The following TEDC2 variants were observed in gnomAD, a reference collection of about 807,000 sequenced individuals.
TEDC2 encodes tubulin epsilon and delta complex 2.
Under a neutral mutation model 48.1 loss-of-function variants are expected in TEDC2, and 49 were observed. The ratio of observed to expected loss-of-function variants is 1.02; its 90% CI spans 0.81 to 1.29. TEDC2 has a LOEUF of 1.29. Among genes scored for constraint, TEDC2 ranks in the 50% most tolerant of loss-of-function variants. TEDC2 has a pLI of 0.00. For missense variants in TEDC2, 631 were observed against 571.4 expected (o/e 1.10, Z -1.06); for synonymous variants, 299 against 247.1 (o/e 1.21, Z -1.97).
intron 6 of TEDC2, 68 bp from the exon 7 acceptor site, chr16:2,462,347 C>G (rs552844331): frequency 1.2e-6 from 2 of 1,603,756 alleles, no homozygotes; most frequent in Admixed American, 1.7e-5. Flanking sequence ...GGGCCACTCC[C>G]CAGGCCCCGT....
chr16:2,464,455 C>A, intron 9 of TEDC2, 67 bp from the exon 10 acceptor site: 1 of 1,469,740 alleles, frequency 6.8e-7, no homozygotes, highest in South Asian at 1.3e-5. Context: ...GGCCTCGAAG[C>A]CTGTCCCAGG....
Position 2,464,150 on chromosome 16 carries a change from C to T in TEDC2, c.1076C>T (p.Ser359Phe), listed in dbSNP as rs899587432. The part of the protein sequence containing the change: ...PAWSPQLLVY[S>F]STQELQTLAA... The stretch of plus-strand genomic sequence containing the variant: ...TGGAGCCCCCAGCTGCTTGTCTACT[C>T]CAGCACCCAGGAGCTGCAGACCCTG... Residue 359 changes from serine (S) to phenylalanine (F), a missense_variant, in exon 9 of 10, where the codon TCC (serine) becomes TTC (phenylalanine). Transcript: ENST00000361837. 6.2e-7 allele frequency: 1 copy of T among 1,612,728 alleles called. No homozygotes were observed. The highest frequency in any genetic ancestry group is 8.5e-7 in the Non-Finnish European group (1 of 1,179,912).
At chr16:2,461,964 T>C (rs1381938217) in intron 5 of TEDC2, among the ~76,000 whole-genome samples, 164 bp downstream of exon 5, 1 of 152,196 alleles carries the variant, frequency 6.6e-6, no homozygotes, top group East Asian at 1.9e-4. Flanking sequence ...TTTGTCCCCT[T>C]GTCCTAGTCA....
At chr16:2,461,674 C>A (rs981386863) in intron 4 of TEDC2, 73 bp from the exon 5 acceptor site, 1 of 1,573,842 alleles carries the variant, frequency 6.4e-7, no homozygotes, top group African/African-American at 1.4e-5. Context: ...CCTGATTGGG[C>A]TCTGAGCAGG....
In TEDC2 at chr16:2,464,219, A is replaced by G. The variant is rs779877147; in HGVS notation, c.1145A>G (p.His382Arg). ...LRVAVLDQQI[H>R]LEKVLMAELL... ...GTGGCTGTGCTGGACCAGCAGATCC[A>G]CTTGGAAAAGGTGCTTCTGGAAGAG... The change falls in exon 9 of 10, where the codon CAC becomes CGC. Residue 382 changes from histidine to arginine, a missense_variant. Transcript: ENST00000361837. The G allele has an allele frequency of 6.2e-7, 1 of 1,611,826 alleles. No homozygotes were observed. The highest frequency in any genetic ancestry group is 1.3e-5 in the African/African-American group (1 of 75,008).
At chr16:2,461,672 G>A in intron 4 of TEDC2, 75 bp from the exon 5 acceptor site, 1 of 1,564,504 alleles carries the variant, frequency 6.4e-7, no homozygotes, top group East Asian at 2.2e-5. Flanking sequence ...TCCCTGATTG[G>A]GCTCTGAGCA....
At position 2,464,247 on chromosome 16, in the gene TEDC2, G is replaced by A; in HGVS notation, c.1155+18G>A. 1 of 1,608,070 alleles carries A rather than the reference G, an allele frequency of 6.2e-7. No homozygotes were observed. The highest frequency in any genetic ancestry group is 8.5e-7 in the Non-Finnish European group (1 of 1,177,746). On this transcript the variant is annotated intron_variant, in intron 9 of 9. Transcript: ENST00000361837. ...TGGAAAAGGTGCTTCTGGAAGAGGA[G>A]GTGGGGGTGCAACAGAGGTCCGCAG...
intron 9 of TEDC2, 40 bp from the exon 10 acceptor site, chr16:2,464,482 G>A (rs2141840719): frequency 1.3e-6 from 2 of 1,519,038 alleles, no homozygotes; most frequent in East Asian, 2.3e-5. Flanking sequence ...CCCCGCCTAG[G>A]TGCCCCTGAG....
In TEDC2 at chr16:2,464,684, C is replaced by T. The variant is rs2065489924; in HGVS notation, c.*16C>T. 1.2e-6 allele frequency: 2 copies of T among 1,612,616 alleles called. No individual in the cohort carries two copies. Among genetic ancestry groups the T allele is most frequent in the East Asian group, 4.5e-5 (2 of 44,874 alleles). On this transcript the variant is annotated 3_prime_UTR_variant, in exon 10 of 10. Transcript: ENST00000361837. Reference sequence around the variant, plus strand: ...TGCAGTCTGAGCCTTTCCCATGCTGCCCTCGGCCTGTTCAGATGGGGATTG... The same window carrying T: ...TGCAGTCTGAGCCTTTCCCATGCTGTCCTCGGCCTGTTCAGATGGGGATTG...
In TEDC2 at chr16:2,464,140, C is replaced by T; in HGVS notation, c.1066C>T (p.Leu356Phe). The T allele has an allele frequency of 1.2e-6, 2 of 1,612,744 alleles. No individual in the cohort carries two copies. Among genetic ancestry groups the T allele is most frequent in the Admixed American group, 1.7e-5 (1 of 59,972 alleles). Residue 356 changes from leucine (L) to phenylalanine (F), a missense_variant, in exon 9 of 10, where the codon CTT becomes TTT. Leu to Phe is a conservative substitution (Grantham distance 22). Coordinates refer to ENST00000361837, the MANE Select transcript of TEDC2 (RefSeq NM_025108.3). ...GGAGCCTGCATGGAGCCCCCAGCTG[C>T]TTGTCTACTCCAGCACCCAGGAGCT... ...RAEPAWSPQL[L>F]VYSSTQELQT...
rs1027089451 is a variant in TEDC2 at position 2,464,431 on chromosome 16, G to A, written c.1156-91G>A. On this transcript the variant is annotated intron_variant, in intron 9 of 9. Coordinates refer to ENST00000361837, the MANE Select transcript of TEDC2 (RefSeq NM_025108.3). ...CTGGAGCCTCAGAAGGAGGGAGGAG[G>A]GCTGAAGCATGGGGGCCTCGAAGCC... The A allele has an allele frequency of 1.9e-5, 27 of 1,409,200 alleles. No individual in the cohort carries two copies. In the African/African-American group the frequency reaches 2.9e-4, roughly 15 times the overall value. 87.3% of individuals were successfully genotyped at this position (1,409,200 alleles called of 1,614,324 possible).
intron 8 of TEDC2, among the ~76,000 whole-genome samples, chr16:2,463,577 A>C (rs2065480855): frequency 6.6e-6 from 1 of 151,354 alleles, no homozygotes; most frequent in African/African-American, 2.4e-5. Context: ...CAGTGAGCTG[A>C]GATTGCACCA....
At position 2,464,158 on chromosome 16, in the gene TEDC2, C is replaced by T. The variant is rs768950227; in HGVS notation, c.1084C>T (p.Gln362Ter). Residue 362 changes from glutamine to a stop codon, truncating the protein, a stop_gained, in exon 9 of 10, where the codon CAG becomes TAG. Transcript: ENST00000361837. LOFTEE classifies it high-confidence loss of function. Reference sequence around the variant, plus strand: ...CCAGCTGCTTGTCTACTCCAGCACCCAGGAGCTGCAGACCCTGGCGGCCCT... The same window carrying T: ...CCAGCTGCTTGTCTACTCCAGCACCTAGGAGCTGCAGACCCTGGCGGCCCT... ...SPQLLVYSST[Q>*]ELQTLAALKL... 6.2e-7 allele frequency: 1 copy of T among 1,612,672 alleles called. No individual in the cohort carries two copies. Among genetic ancestry groups the T allele is most frequent in the East Asian group, 2.2e-5 (1 of 44,868 alleles).
intron 5 of TEDC2, 151 bp from the exon 6 acceptor site, chr16:2,461,998 C>T (rs1338252002): frequency 1.3e-5 from 14 of 1,072,446 alleles, no homozygotes; most frequent in Non-Finnish European, 1.9e-5. Context: ...TCCCTGCGGC[C>T]TCTGGAGGCC....
intron 2 of TEDC2, 47 bp downstream of exon 2, chr16:2,460,428 G>A (rs1487335363): frequency 1.9e-6 from 3 of 1,540,498 alleles, no homozygotes; most frequent in Non-Finnish European, 2.6e-6. Flanking sequence ...CGGGCCCTCA[G>A]AGTCCCGCCC....
At chr16:2,461,900 C>A in intron 5 of TEDC2, 100 bp downstream of exon 5, 1 of 1,446,526 alleles carries the variant, frequency 6.9e-7, no homozygotes, top group Non-Finnish European at 9.7e-7. Context: ...GTCTCTTTGT[C>A]CTCTTTGCTG....
At position 2,461,138 on chromosome 16, in the gene TEDC2, C is replaced by T. The variant is rs1010956128; in HGVS notation, c.519C>T (p.Pro173=). The change falls in exon 4 of 10, where the codon CCC becomes CCT. Residue 173 remains proline (P), a synonymous_variant. Transcript: ENST00000361837. The part of the protein sequence containing the change: ...GTRVGMGART[P]RPGAGLRDQQ... ...GTGTTGGGATGGGAGCCCGAACCCC[C>T]AGGCCTGGGGCGGGCCTCAGGGACC... is the stretch of plus-strand genomic sequence containing the variant. 6.4e-7 allele frequency: 1 copy of T among 1,556,504 alleles called. No individual in the cohort carries two copies. The highest frequency in any genetic ancestry group is 1.8e-5 in the Admixed American group (1 of 54,146).
Position 2,460,376 on chromosome 16 carries a change from T to A in TEDC2, c.120T>A (p.His40Gln), listed in dbSNP as rs771884580. 1.3e-6 allele frequency: 2 copies of A among 1,545,028 alleles called. No individual in the cohort carries two copies. The highest frequency in any genetic ancestry group is 8.7e-7 in the Non-Finnish European group (1 of 1,146,360). The change falls in exon 2 of 10, where the codon CAT becomes CAA. Residue 40 changes from histidine to glutamine, a missense_variant. By Grantham distance (24) the His-to-Gln change is conservative (BLOSUM62 0). Transcript: ENST00000361837. ...QSLRVCRRLL[H>Q]AWEPTGTRAL... is the part of the protein sequence containing the mutation. ...TGCGCGTTTGCCGTCGGCTGCTGCA[T>A]GCCTGGTACGCGGACCCCGGACCCA...
In TEDC2 at chr16:2,462,489, G is replaced by C. The variant is rs537025678; in HGVS notation, c.825G>C (p.Ser275=). The change falls in exon 7 of 10, where the codon TCG becomes TCC. Residue 275 remains serine (S), a synonymous_variant. Coordinates refer to ENST00000361837, the MANE Select transcript of TEDC2 (RefSeq NM_025108.3). ...AEAGRLRKAC[S]LLRLRMREEL... is the part of the protein sequence containing the mutation. ...CGGGGCGCCTGCGGAAGGCCTGCTC[G>C]CTGCTGAGACTGCGCATGAGGGAGG... 1 of 1,608,948 alleles carries C rather than the reference G, an allele frequency of 6.2e-7. No individual in the cohort carries two copies. Among genetic ancestry groups the C allele is most frequent in the Non-Finnish European group, 8.5e-7 (1 of 1,178,276 alleles).
Sources: gnomAD v4.1 joint callset for allele counts (sites outside exome capture counted in the v4.1 genomes callset) on GRCh38, gnomAD v4.1.1 for gene constraint, MANE v1.5 for transcripts, NCBI Gene and HGNC (gene_info 2026-07-23, HGNC 2026-07-21) for gene names.